The following PPP3CA variants were observed in gnomAD, a reference collection of about 807,000 sequenced individuals.
PPP3CA encodes protein phosphatase 3 catalytic subunit alpha, also known as CAM-PRP catalytic subunit.
In PPP3CA, 14 loss-of-function variants were observed where a neutral mutation model predicts 66.5. That is an observed-to-expected ratio of 0.21 (90% confidence interval 0.14 to 0.33). The LOEUF (loss-of-function observed/expected upper bound fraction) is 0.33, where lower values mean the gene tolerates loss of function less well. PPP3CA is among the 10% of genes least tolerant of loss of function. PPP3CA has a pLI of 1.00. For synonymous variants in PPP3CA, 232 were observed against 226.2 expected (o/e 1.03, Z -0.23); for missense variants, 317 against 639.5 (o/e 0.50, Z 5.44).
chr4:101,250,335 G>T, intron 1 of PPP3CA: 1 of 456,296 alleles, frequency 2.2e-6, no homozygotes. Flanking sequence ...TGTACCTGTG[G>T]CTGTATCTTT....
chr4:101,157,121 C>T (rs1456790914), intron 2 of PPP3CA, among the ~76,000 whole-genome samples: 2 of 152,220 alleles, frequency 1.3e-5, no homozygotes, highest in Non-Finnish European at 2.9e-5. Context: ...CAGCACTATG[C>T]TCCTGCTTCT....
intron 2 of PPP3CA, among the ~76,000 whole-genome samples, chr4:101,157,981 A>G (rs1723380046): frequency 6.6e-6 from 1 of 152,126 alleles, no homozygotes; most frequent in Non-Finnish European, 1.5e-5. Context: ...CATTTAAATA[A>G]TGAAAATAAT....
intron 11 of PPP3CA, among the ~76,000 whole-genome samples, chr4:101,032,973 C>T (rs1213325994): frequency 6.6e-6 from 1 of 151,896 alleles, no homozygotes; most frequent in Non-Finnish European, 1.5e-5. Context: ...TTTTCAGTCA[C>T]TTTCCCCACT....
intron 1 of PPP3CA, among the ~76,000 whole-genome samples, chr4:101,319,642 G>A (rs2110320068): frequency 6.6e-6 from 1 of 152,130 alleles, no homozygotes; most frequent in South Asian, 2.1e-4. Context: ...CAGGTTAATG[G>A]AGAAAAAGAA....
chr4:101,087,827 G>T (rs566279974), intron 6 of PPP3CA, among the ~76,000 whole-genome samples: 6 of 152,210 alleles, frequency 3.9e-5, no homozygotes, highest in Admixed American at 2.6e-4. Flanking sequence ...GAATAGCTTG[G>T]TAATATGAAT....
intron 12 of PPP3CA, among the ~76,000 whole-genome samples, chr4:101,031,583 T>C (rs972259538): frequency 7.2e-5 from 11 of 152,168 alleles, no homozygotes; most frequent in African/African-American, 2.4e-4. Flanking sequence ...CCCTATATGC[T>C]CAACAGTCAT....
chr4:101,345,460 T>C (rs1729952063), intron 1 of PPP3CA, among the ~76,000 whole-genome samples: 1 of 152,174 alleles, frequency 6.6e-6, no homozygotes, highest in Admixed American at 6.5e-5. Flanking sequence ...ATACCATCTC[T>C]GTTCTACACA....
intron 1 of PPP3CA, among the ~76,000 whole-genome samples, chr4:101,246,764 C>T (rs1294163648): frequency 2.0e-5 from 3 of 151,900 alleles, no homozygotes; most frequent in African/African-American, 7.3e-5. Flanking sequence ...ATTCACATCT[C>T]CTTCTATATA....
intron 2 of PPP3CA, among the ~76,000 whole-genome samples, chr4:101,174,095 C>A (rs1423397305): frequency 6.6e-6 from 1 of 151,692 alleles, no homozygotes; most frequent in Admixed American, 6.6e-5. Context: ...TACGCCCCCC[C>A]CACCCCGCCA....
chr4:101,318,809 G>A (rs1343481226), intron 1 of PPP3CA, among the ~76,000 whole-genome samples: 3 of 151,988 alleles, frequency 2.0e-5, no homozygotes, highest in Non-Finnish European at 2.9e-5. Flanking sequence ...CATTAAACTC[G>A]CTATCAAGAG....
rs144923754 is a variant in PPP3CA, at chr4:101,315,031, C to G, written c.58+31708G>C. ...TAACATCTGGATATTTGTGCTCCCC[C>G]CAAAATTCACATGTTGAAACTTAAT... is the stretch of plus-strand genomic sequence containing the variant. On this transcript the variant is annotated intron_variant, in intron 1 of 13. Transcript: ENST00000394854. Among the ~76,000 whole-genome samples the G allele has an allele frequency of 6.1e-4, 93 of 152,262 alleles. 1 individual carries two copies. In the East Asian group the frequency reaches 0.016, roughly 27 times the overall value.
chr4:101,326,296 C>G (rs1729206894), intron 1 of PPP3CA, among the ~76,000 whole-genome samples: 1 of 152,204 alleles, frequency 6.6e-6, no homozygotes, highest in African/African-American at 2.4e-5. Context: ...AGCTTGATCA[C>G]TTACTAGCTC....
chr4:101,239,627 T>C (rs550070063), intron 1 of PPP3CA, among the ~76,000 whole-genome samples: 7 of 152,114 alleles, frequency 4.6e-5, no homozygotes, highest in Admixed American at 6.6e-5. Context: ...ACAGTAAAAA[T>C]GCTAAAAATG....
chr4:101,118,497 CTCTTCT>C (rs3077957), intron 2 of PPP3CA, among the ~76,000 whole-genome samples: 35 of 151,512 alleles, frequency 2.3e-4, no homozygotes, highest in South Asian at 4.2e-4. Context: ...TTTGCTATTA[CTCTTCT>C]TCTTCTTCTT....
intron 2 of PPP3CA, among the ~76,000 whole-genome samples, chr4:101,155,947 A>C (rs1022326283): frequency 6.6e-6 from 1 of 152,192 alleles, no homozygotes; most frequent in Non-Finnish European, 1.5e-5. Context: ...TGTGCTGTGT[A>C]TTGTTTTTAT....
chr4:101,235,674 T>A (rs1337512199), intron 1 of PPP3CA, among the ~76,000 whole-genome samples: 1 of 151,848 alleles, frequency 6.6e-6, no homozygotes, highest in Non-Finnish European at 1.5e-5. Flanking sequence ...ATATAGCATA[T>A]TATGGCCATT....
At chr4:101,028,282 G>A (rs1453095397) in intron 13 of PPP3CA, among the ~76,000 whole-genome samples, 2 of 152,144 alleles carry the variant, frequency 1.3e-5, no homozygotes, top group Non-Finnish European at 2.9e-5. Flanking sequence ...AAAGGATATG[G>A]TATGTATAAT....
chr4:101,159,837 C>T (rs1040966125), intron 2 of PPP3CA, among the ~76,000 whole-genome samples: 51 of 152,014 alleles, frequency 3.4e-4, no homozygotes, highest in African/African-American at 1.1e-3. Context: ...CCAGCGCTGC[C>T]TTTTTCTGCT....
chr4:101,155,217 T>G (rs190696440), intron 2 of PPP3CA, among the ~76,000 whole-genome samples: 4 of 152,328 alleles, frequency 2.6e-5, no homozygotes, highest in African/African-American at 9.6e-5. Context: ...AATCTCATTC[T>G]TTCCTTTTGA....
Sources: gnomAD v4.1 joint callset for allele counts (sites outside exome capture counted in the v4.1 genomes callset) on GRCh38, gnomAD v4.1.1 for gene constraint, MANE v1.5 for transcripts, NCBI Gene and HGNC (gene_info 2026-07-23, HGNC 2026-07-21) for gene names.